Variants in TMTC4 observed in about 807,000 individuals in gnomAD.
The protein encoded by TMTC4 is transmembrane O-mannosyltransferase targeting cadherins 4.
TMTC4 carries 65 observed loss-of-function variants against 86.0 expected under a neutral mutation model. The ratio of observed to expected loss-of-function variants is 0.76; its 90% confidence interval spans 0.62 to 0.93. TMTC4 has a LOEUF of 0.93. Ranked by LOEUF, TMTC4 falls within the 40% of genes least tolerant of loss-of-function variation. The pLI is 0.00. For synonymous variants in TMTC4, 379 were observed against 382.5 expected, an observed-to-expected ratio of 0.99 and a Z score of 0.11; for missense variants, 866 against 948.1, an observed-to-expected ratio of 0.91 and a Z score of 1.14.
At chr13:100,625,420 T>A in intron 15 of TMTC4, 115 bp downstream of exon 15, 1 of 1,391,640 alleles carries the variant, frequency 7.2e-7, no homozygotes, top group South Asian at 1.2e-5. Context: ...GATAGAAACA[T>A]GTGAAAGAAC....
chr13:100,671,096 G>A (rs1257511975), intron 1 of TMTC4, among the ~76,000 whole-genome samples: 2 of 152,246 alleles, frequency 1.3e-5, no homozygotes, highest in Non-Finnish European at 2.9e-5. Flanking sequence ...AGAGTCATGA[G>A]CTGACAAAAG....
chr13:100,628,163 A>C (rs1428708699), intron 12 of TMTC4, among the ~76,000 whole-genome samples: 1 of 152,194 alleles, frequency 6.6e-6, no homozygotes, highest in Non-Finnish European at 1.5e-5. Context: ...ATCCATCTCC[A>C]GAGTTCTTTC....
intron 3 of TMTC4, among the ~76,000 whole-genome samples, chr13:100,666,906 C>T (rs1191469943): frequency 2.0e-5 from 3 of 151,980 alleles, no homozygotes; most frequent in Non-Finnish European, 4.4e-5. Context: ...GGGAGGATGG[C>T]TTGAGCCCAG....
At position 100,668,764 on chromosome 13, in the gene TMTC4, T is replaced by C. The variant is rs1487407300; in HGVS notation, c.34A>G (p.Ser12Gly). 2 of 1,614,068 alleles carry C rather than the reference T, an allele frequency of 1.2e-6. No individual in the cohort carries two copies. Among genetic ancestry groups the C allele is most frequent in the African/African-American group, 2.7e-5 (2 of 74,926 alleles). ...IPNQHNAGAG[S>G]HQPAVFRMAV... ...ATTCTGAAAACTGCAGGTTGGTGGC[T>C]CCCGGCTCCAGCATTATGCTGGTTA... Residue 12 changes from serine to glycine, a missense_variant, in exon 3 of 19, where the codon AGC (serine) becomes GGC (glycine). By Grantham distance (56) the Ser-to-Gly change is moderately conservative. Coordinates refer to ENST00000342624, the MANE Select transcript of TMTC4 (RefSeq NM_032813.5).
intron 12 of TMTC4, among the ~76,000 whole-genome samples, chr13:100,629,434 C>T (rs1488334767): frequency 6.6e-6 from 1 of 152,074 alleles, no homozygotes; most frequent in East Asian, 1.9e-4. Context: ...GCCGTGGCTG[C>T]TGTGACCCTC....
chr13:100,634,666 T>C (rs1594294900), intron 12 of TMTC4, 139 bp downstream of exon 12: 3 of 1,081,010 alleles, frequency 2.8e-6, no homozygotes, highest in East Asian at 2.8e-5. Flanking sequence ...AAAAAAACCA[T>C]ACATAACAAA....
chr13:100,646,651 T>C (rs959749445), intron 6 of TMTC4, among the ~76,000 whole-genome samples: 1 of 152,224 alleles, frequency 6.6e-6, no homozygotes, highest in Non-Finnish European at 1.5e-5. Flanking sequence ...CTCCAAGTTG[T>C]TCAGGAGGCA....
At chr13:100,660,706 T>G (rs1165183077) in intron 5 of TMTC4, among the ~76,000 whole-genome samples, 2 of 150,410 alleles carry the variant, frequency 1.3e-5, no homozygotes, top group Admixed American at 1.3e-4. Flanking sequence ...CAGGCTGGAG[T>G]GCAGTGGCAT....
At chr13:100,623,971 T>C (rs1406484800) in intron 15 of TMTC4, 8 of 405,104 alleles carry the variant, frequency 2.0e-5, no homozygotes, top group Non-Finnish European at 3.9e-5. Flanking sequence ...GGGTCCAGTC[T>C]CTTCCTTGCA....
chr13:100,648,348 T>C (rs1884009082), intron 6 of TMTC4, among the ~76,000 whole-genome samples: 2 of 152,194 alleles, frequency 1.3e-5, no homozygotes, highest in Non-Finnish European at 2.9e-5. Context: ...AATGTGAACA[T>C]TTTCATATTT....
At chr13:100,628,862 T>G (rs1880930812) in intron 12 of TMTC4, among the ~76,000 whole-genome samples, 1 of 152,116 alleles carries the variant, frequency 6.6e-6, no homozygotes, top group Non-Finnish European at 1.5e-5. Context: ...TAAAAAGAAT[T>G]TGTTGGCCGG....
chr13:100,612,205 A>G (rs1364116584), intron 17 of TMTC4, among the ~76,000 whole-genome samples, 193 bp downstream of exon 17: 1 of 152,216 alleles, frequency 6.6e-6, no homozygotes, highest in African/African-American at 2.4e-5. Context: ...CTGATGAGAA[A>G]GGACACTGGG....
intron 10 of TMTC4, among the ~76,000 whole-genome samples, 188 bp downstream of exon 10, chr13:100,636,344 G>A (rs1456481395): frequency 2.0e-5 from 3 of 152,166 alleles, no homozygotes; most frequent in Non-Finnish European, 2.9e-5. Context: ...TTCCAGCCTC[G>A]CTCCCCACCC....
chr13:100,661,919 G>A (rs1885827079), intron 5 of TMTC4, among the ~76,000 whole-genome samples: 1 of 152,158 alleles, frequency 6.6e-6, no homozygotes, highest in African/African-American at 2.4e-5. Context: ...GGCACTTCGT[G>A]CTCACAGAAT....
chr13:100,673,411 A>T, intron 1 of TMTC4: 3 of 955,860 alleles, frequency 3.1e-6, no homozygotes, highest in Non-Finnish European at 3.7e-6. Flanking sequence ...CAGCCTTTCT[A>T]CCTCATCTGT....
chr13:100,624,864 T>C (rs1227348627), intron 15 of TMTC4: 1 of 152,324 alleles, frequency 6.6e-6, no homozygotes, highest in East Asian at 1.9e-4. Flanking sequence ...AAATGGTTGA[T>C]TATAGGGAGA....
At chr13:100,650,562 T>A (rs1181561527) in intron 6 of TMTC4, among the ~76,000 whole-genome samples, 1 of 152,204 alleles carries the variant, frequency 6.6e-6, no homozygotes, top group Non-Finnish European at 1.5e-5. Flanking sequence ...CCCCGACAGG[T>A]GGCCGCGACT....
rs549721986 is a variant in TMTC4 at position 100,618,858 on chromosome 13, G to T, written c.1837-4428C>A. Among the ~76,000 whole-genome samples, 173 of 152,308 alleles carry T rather than the reference G, an allele frequency of 1.1e-3. 3 individuals carry two copies. In the South Asian group the frequency reaches 0.012, roughly 11 times the overall value. On this transcript the variant is annotated intron_variant, in intron 15 of 18. Transcript: ENST00000342624. ...AGGCAGAAGAATTTTTCTTAGTACG[G>T]AACAAAATGAAAAGTCTCCCATGTC...
At position 100,668,717 on chromosome 13, in the gene TMTC4, C is replaced by T. The variant is rs1335194634; in HGVS notation, c.81G>A (p.Leu27=). 1 of 1,614,086 alleles carries T rather than the reference C, an allele frequency of 6.2e-7. No homozygotes were observed. Among genetic ancestry groups the T allele is most frequent in the East Asian group, 2.2e-5 (1 of 44,894 alleles). The change falls in exon 3 of 19, where the codon TTG becomes TTA. Residue 27 remains leucine (L), a synonymous_variant. Transcript: ENST00000342624. ...VFRMAVLDTD[L]DHILPSSVLP... is the part of the protein sequence containing the mutation. ...GAACAGAAGATGGAAGAATGTGATC[C>T]AAATCAGTGTCCAACACGGCCATTC...
Sources: gnomAD v4.1 joint callset for allele counts (sites outside exome capture counted in the v4.1 genomes callset) on GRCh38, gnomAD v4.1.1 for gene constraint, MANE v1.5 for transcripts, NCBI Gene and HGNC (gene_info 2026-07-23, HGNC 2026-07-21) for gene names.